The following SLC38A9 variants were observed in gnomAD, a reference collection of about 807,000 sequenced individuals.
SLC38A9 encodes neutral amino acid transporter 9.
Under a neutral mutation model 62.3 loss-of-function variants are expected in SLC38A9, and 48 were observed. That is an observed-to-expected ratio of 0.77 (90% confidence interval 0.61 to 0.98). The LOEUF (loss-of-function observed/expected upper bound fraction) is 0.98. Ranked by LOEUF, SLC38A9 falls within the 50% of genes least tolerant of loss-of-function variation. SLC38A9 has a pLI of 0.00. For missense variants in SLC38A9, 541 were observed against 679.8 expected (o/e 0.80, Z 2.27); for synonymous variants, 204 against 227.7 (o/e 0.90, Z 0.94).
intron 12 of SLC38A9, among the ~76,000 whole-genome samples, chr5:55,642,359 A>G (rs934527913): frequency 6.6e-6 from 1 of 152,230 alleles, no homozygotes; most frequent in African/African-American, 2.4e-5. Context: ...ACTGTTTTCT[A>G]GTAATACAAA....
At chr5:55,666,809 C>T (rs1750537730) in intron 7 of SLC38A9, among the ~76,000 whole-genome samples, 2 of 139,378 alleles carry the variant, frequency 1.4e-5, no homozygotes, top group African/African-American at 5.8e-5. Context: ...GGATGGATCA[C>T]GAAGTCAGGA....
At chr5:55,631,038 TAGG>T (rs1316554227) in intron 14 of SLC38A9, among the ~76,000 whole-genome samples, 3 of 151,854 alleles carry the variant, frequency 2.0e-5, no homozygotes, top group Non-Finnish European at 2.9e-5. Context: ...GAGGCTGAGG[TAGG>T]AGAATTGCTT....
intron 15 of SLC38A9, among the ~76,000 whole-genome samples, chr5:55,627,040 TTAAGTA>T (rs1004414088): frequency 9.2e-5 from 14 of 152,278 alleles, no homozygotes; most frequent in Admixed American, 7.2e-4. Flanking sequence ...GCATCCCGGT[TTAAGTA>T]TAAGAACAGA....
In SLC38A9 at chr5:55,669,783, C is replaced by A. The variant is rs199794672; in HGVS notation, c.343G>T (p.Gly115Cys). ...ATGGTTACTAAACTGGTGTTTTTAC[C>A]GTATCCTTCAGTGTAACTTTGAAGT... is the stretch of plus-strand genomic sequence containing the variant. The part of the protein sequence containing the change: ...YKLQSYTEGY[G>C]KNTSLVTIFM... Residue 115 changes from glycine (G) to cysteine (C), a missense_variant, in exon 5 of 16, where the codon GGT becomes TGT. Transcript: ENST00000396865. The A allele has an allele frequency of 6.2e-7, 1 of 1,613,658 alleles. No homozygotes were observed. The highest frequency in any genetic ancestry group is 8.5e-7 in the Non-Finnish European group (1 of 1,179,860).
intron 2 of SLC38A9, among the ~76,000 whole-genome samples, chr5:55,703,349 C>T (rs1361476526): frequency 6.6e-6 from 1 of 152,166 alleles, no homozygotes; most frequent in Non-Finnish European, 1.5e-5. Flanking sequence ...CAATTGCTAG[C>T]TCTAGCTGTC....
chr5:55,644,566 C>T lies in SLC38A9; in HGVS notation c.1167+1223G>A, dbSNP rs193205323. On this transcript the variant is annotated intron_variant, in intron 12 of 15. Coordinates refer to ENST00000396865, the MANE Select transcript of SLC38A9 (RefSeq NM_173514.4). The stretch of plus-strand genomic sequence containing the variant: ...CTTCCTGAGTTGCTGGGATTACAGG[C>T]GCCCAACACCATACCCGACTAATTT... Among the ~76,000 whole-genome samples, 201 of 151,876 alleles carry T rather than the reference C, an allele frequency of 1.3e-3. No homozygotes were observed. The Middle Eastern group carries it at 0.014, about 10-fold the overall frequency.
chr5:55,632,424 C>G (rs934359566), intron 14 of SLC38A9, among the ~76,000 whole-genome samples: 1 of 151,964 alleles, frequency 6.6e-6, no homozygotes, highest in Admixed American at 6.6e-5. Flanking sequence ...GGCGGCAGAG[C>G]GAGACTCAGT....
In SLC38A9 at chr5:55,678,658, T is replaced by G. The variant is rs1226125167; in HGVS notation, c.114-5963A>C. 1.5e-4 allele frequency among the ~76,000 whole-genome samples: 20 copies of G among 136,676 alleles called. No individual in the cohort carries two copies. The East Asian group carries it at 3.4e-3, about 23-fold the overall frequency. The allele number at this position is 136,676 out of a possible 152,430, so 89.7% of individuals were successfully genotyped here. ...GACTGAAATGAACTTTTTTTTTTTT[T>G]TTTTTTTTTTTTTTTTGAGACAGGG... On this transcript the variant is annotated intron_variant, in intron 3 of 15. Coordinates refer to ENST00000396865, the MANE Select transcript of SLC38A9 (RefSeq NM_173514.4).
chr5:55,669,162 T>G, intron 7 of SLC38A9, 66 bp downstream of exon 7: 2 of 1,161,628 alleles, frequency 1.7e-6, no homozygotes, highest in South Asian at 1.3e-5. Context: ...TACACACTAG[T>G]GATCTGCCTC....
intron 3 of SLC38A9, among the ~76,000 whole-genome samples, chr5:55,674,912 G>A (rs6880112): frequency 0.65 from 98,448 of 152,020 alleles, 32,114 homozygotes; most frequent in South Asian, 0.73. Flanking sequence ...AAATATTTAT[G>A]TCTGGCAGAT....
intron 12 of SLC38A9, among the ~76,000 whole-genome samples, chr5:55,643,119 G>A (rs1745699889): frequency 6.6e-6 from 1 of 152,166 alleles, no homozygotes; most frequent in Admixed American, 6.5e-5. Flanking sequence ...GTTAACTTTT[G>A]TTTGCCTTGG....
At chr5:55,660,880 G>A (rs1486153242) in intron 8 of SLC38A9, among the ~76,000 whole-genome samples, 1 of 152,106 alleles carries the variant, frequency 6.6e-6, no homozygotes, top group African/African-American at 2.4e-5. Context: ...CACTACTATA[G>A]ATGATTTAAA....
intron 2 of SLC38A9, among the ~76,000 whole-genome samples, chr5:55,698,861 C>A (rs1260047671): frequency 6.6e-6 from 1 of 152,052 alleles, no homozygotes; most frequent in Non-Finnish European, 1.5e-5. Flanking sequence ...TGCTTAAACC[C>A]AGGATTTGGA....
chr5:55,677,925 ATTGT>A (rs1311485389), intron 3 of SLC38A9, among the ~76,000 whole-genome samples: 14 of 26,332 alleles, frequency 5.3e-4, no homozygotes, highest in African/African-American at 1.1e-3. Context: ...TTTTTTCTTT[ATTGT>A]GTGTGTGTGT....
At chr5:55,676,731 T>C (rs920260761) in intron 3 of SLC38A9, among the ~76,000 whole-genome samples, 1 of 152,188 alleles carries the variant, frequency 6.6e-6, no homozygotes, top group Admixed American at 6.5e-5. Context: ...TAGGTGTCAA[T>C]AGTATGCTAC....
chr5:55,688,183 T>C (rs1022705876), intron 3 of SLC38A9, among the ~76,000 whole-genome samples: 2 of 152,130 alleles, frequency 1.3e-5, no homozygotes, highest in East Asian at 1.9e-4. Context: ...TTTTTAGATA[T>C]AGGATCACGT....
chr5:55,677,458 T>C (rs1212467005), intron 3 of SLC38A9, among the ~76,000 whole-genome samples: 2 of 152,200 alleles, frequency 1.3e-5, no homozygotes, highest in Admixed American at 6.5e-5. Context: ...CTAAAGTGTT[T>C]AGTACTCCTC....
At chr5:55,678,138 G>GTTTGTT in intron 3 of SLC38A9, among the ~76,000 whole-genome samples, 1 of 129,490 alleles carries the variant, frequency 7.7e-6, no homozygotes. Context: ...AAGGTTACTG[G>GTTTGTT]TTTTTTTTTC....
rs115718973 is a variant in SLC38A9 at position 55,702,237 on chromosome 5, T to C, written c.-34-4245A>G. On this transcript the variant is annotated intron_variant, in intron 2 of 15. Transcript: ENST00000396865. ...ATTAATGTTTGAGGATTAAATGAGA[T>C]TATACATATTACATTTTAGCATTAA... 6.5e-3 allele frequency among the ~76,000 whole-genome samples: 982 copies of C among 150,370 alleles called. 13 individuals are homozygous for C. The highest frequency in any genetic ancestry group is 0.023 in the African/African-American group (951 of 40,978).
Sources: gnomAD v4.1 joint callset for allele counts (sites outside exome capture counted in the v4.1 genomes callset) on GRCh38, gnomAD v4.1.1 for gene constraint, MANE v1.5 for transcripts, NCBI Gene and HGNC (gene_info 2026-07-23, HGNC 2026-07-21) for gene names.